SOX5: variants seen among roughly 807,000 people sequenced by gnomAD.
SOX5 encodes SRY-box transcription factor 5, also known as transcription factor SOX-5.
A neutral mutation model predicts 92.0 loss-of-function variants in SOX5; 9 were observed. The observed-to-expected ratio is 0.10, with a 90% CI of 0.06 to 0.17. SOX5 has a LOEUF of 0.17. Among genes scored for constraint, SOX5 ranks in the 10% least tolerant of loss-of-function variants. The pLI is 1.00. For missense variants in SOX5, 642 were observed against 944.5 expected (o/e 0.68, Z 4.20); for synonymous variants, 344 against 336.3 (o/e 1.02, Z -0.25).
At position 23,833,074 on chromosome 12, in the gene SOX5, T is replaced by A. The variant is rs149365445; in HGVS notation, c.481+12909A>T. On this transcript the variant is annotated intron_variant, in intron 3 of 14. Coordinates refer to ENST00000451604, the MANE Select transcript of SOX5 (RefSeq NM_006940.6). ...TTGAAAGCCAAAGTTGTGGATTATC[T>A]CCCCAAAAATGTACAAATACATATA... 1.2e-3 allele frequency among the ~76,000 whole-genome samples: 181 copies of A among 152,030 alleles called. 1 individual carries two copies. Among genetic ancestry groups the A allele is most frequent in the Admixed American group, 2.4e-3 (36 of 15,206 alleles).
intron 1 of SOX5, among the ~76,000 whole-genome samples, chr12:24,404,105 C>T (rs1962382336): frequency 6.6e-6 from 1 of 152,194 alleles, no homozygotes; most frequent in Non-Finnish European, 1.5e-5. Flanking sequence ...CATATTTTAT[C>T]CTTTTTTAGC....
At chr12:23,662,557 T>G (rs977020608) in intron 7 of SOX5, among the ~76,000 whole-genome samples, 5 of 152,206 alleles carry the variant, frequency 3.3e-5, no homozygotes, top group African/African-American at 1.2e-4. Context: ...ATTTTGTGGG[T>G]TTCCATTCCA....
At chr12:23,748,027 G>A (rs955865462) in intron 4 of SOX5, among the ~76,000 whole-genome samples, 7 of 150,276 alleles carry the variant, frequency 4.7e-5, no homozygotes, top group Non-Finnish European at 1.0e-4. Flanking sequence ...CCAGCTCCTC[G>A]GAGGGCCTTC....
At chr12:23,954,892 T>A (rs75878135), upstream of SOX5, among the ~76,000 whole-genome samples, 1,625 of 152,236 alleles carry the variant, frequency 0.011, 15 homozygotes, top group Non-Finnish European at 0.02. Flanking sequence ...TTTCACTGTT[T>A]GATCTTAGGA....
intron 2 of SOX5, among the ~76,000 whole-genome samples, chr12:24,324,402 A>G (rs933951162): frequency 2.6e-5 from 4 of 152,222 alleles, no homozygotes; most frequent in South Asian, 4.1e-4. Flanking sequence ...CTGTCAAACT[A>G]TCTGTCTCTT....
At chr12:23,793,504 A>C (rs1197747398) in intron 3 of SOX5, among the ~76,000 whole-genome samples, 1 of 152,214 alleles carries the variant, frequency 6.6e-6, no homozygotes, top group African/African-American at 2.4e-5. Flanking sequence ...ACTGGACTGA[A>C]GGAAAAACAA....
intron 1 of SOX5, among the ~76,000 whole-genome samples, chr12:24,504,787 A>G (rs1948557966): frequency 6.6e-6 from 1 of 152,012 alleles, no homozygotes; most frequent in Admixed American, 6.6e-5. Context: ...ATCTGTCTTG[A>G]TGAGTGGATT....
Position 24,439,752 on chromosome 12 carries a change from G to A in SOX5, c.-250-71113C>T, listed in dbSNP as rs141238836. Reference sequence around the variant, plus strand: ...TACTAAAAATGAAAAAAAATTGGTCGGGCATGGTGGCGGGCGCCTGTAGTC... The same window carrying A: ...TACTAAAAATGAAAAAAAATTGGTCAGGCATGGTGGCGGGCGCCTGTAGTC... On this transcript the variant is annotated intron_variant, in intron 1 of 4. Coordinates refer to the SOX5 transcript ENST00000446891. Among the ~76,000 whole-genome samples, 710 of 152,098 alleles carry A rather than the reference G, an allele frequency of 4.7e-3. 9 individuals carry two copies. In the East Asian group the frequency reaches 0.051, roughly 11 times the overall value.
chr12:24,444,548 G>A (rs1335379507), intron 1 of SOX5, among the ~76,000 whole-genome samples: 1 of 152,178 alleles, frequency 6.6e-6, no homozygotes, highest in Non-Finnish European at 1.5e-5. Flanking sequence ...AGGAGATGCT[G>A]TTGTGTGTTG....
At chr12:23,747,961 T>TA (rs35270726) in intron 4 of SOX5, among the ~76,000 whole-genome samples, 65,189 of 140,014 alleles carry the variant, frequency 0.47, 15,781 homozygotes, top group South Asian at 0.61. Flanking sequence ...TGAAAGAGAT[T>TA]AAAAAAAAAA....
chr12:24,141,482 A>G (rs1317866066), intron 4 of SOX5, among the ~76,000 whole-genome samples: 1 of 152,210 alleles, frequency 6.6e-6, no homozygotes, highest in African/African-American at 2.4e-5. Context: ...TAGTATGAAG[A>G]AAGATTTGGA....
chr12:23,644,763 T>C (rs559700571), intron 7 of SOX5, among the ~76,000 whole-genome samples: 167 of 152,330 alleles, frequency 1.1e-3, no homozygotes, highest in Non-Finnish European at 2.0e-3. Flanking sequence ...CACTATCCAA[T>C]TTTATAATAG....
intron 3 of SOX5, among the ~76,000 whole-genome samples, chr12:23,793,596 C>G (rs79098857): frequency 6.6e-6 from 1 of 152,228 alleles, no homozygotes; most frequent in South Asian, 2.1e-4. Flanking sequence ...AATTGCTTGA[C>G]GCAAATTTAG....
chr12:23,755,153 T>C (rs934346771), intron 4 of SOX5, among the ~76,000 whole-genome samples: 1 of 151,784 alleles, frequency 6.6e-6, no homozygotes, highest in African/African-American at 2.4e-5. Flanking sequence ...TAATTGCTGA[T>C]TCAAATAAAA....
At chr12:23,635,831 A>G (rs1453398345) in intron 8 of SOX5, among the ~76,000 whole-genome samples, 1 of 152,192 alleles carries the variant, frequency 6.6e-6, no homozygotes, top group African/African-American at 2.4e-5. Flanking sequence ...AGTGACAATT[A>G]TGATGGAAGG....
chr12:24,237,037 T>C (rs1964656042), intron 3 of SOX5, among the ~76,000 whole-genome samples: 1 of 152,184 alleles, frequency 6.6e-6, no homozygotes, highest in Non-Finnish European at 1.5e-5. Flanking sequence ...ACATGTCTAC[T>C]AGAAAATGAG....
chr12:24,422,618 T>C (rs1290913856), intron 1 of SOX5, among the ~76,000 whole-genome samples: 2 of 152,222 alleles, frequency 1.3e-5, no homozygotes, highest in African/African-American at 4.8e-5. Flanking sequence ...TCTGCATGTT[T>C]CCAAAAATCC....
At chr12:24,207,893 T>C (rs564528264) in intron 4 of SOX5, among the ~76,000 whole-genome samples, 1 of 152,300 alleles carries the variant, frequency 6.6e-6, no homozygotes, top group Admixed American at 6.5e-5. Flanking sequence ...GAATACTTAC[T>C]TCCTCAATAT....
rs567388011 is a variant in SOX5 at position 24,061,691 on chromosome 12, T to C, written c.-2+151652A>G. 2.0e-5 allele frequency among the ~76,000 whole-genome samples: 3 copies of C among 150,666 alleles called. No homozygotes were observed. In the South Asian group the frequency reaches 6.3e-4, roughly 31 times the overall value. On this transcript the variant is annotated intron_variant, in intron 4 of 4. Transcript: ENST00000446891. ...CAGTAATTAAGTCCCTAGTCATAAC[T>C]GAATCACTTAAGGTTTACATGATCA...
Sources: allele counts gnomAD v4.1 joint callset (sites outside exome capture counted in the v4.1 genomes callset), GRCh38; gene constraint gnomAD v4.1.1; transcripts MANE v1.5; gene names NCBI Gene and HGNC (gene_info 2026-07-23, HGNC 2026-07-21).